BTBD9: variants seen among roughly 807,000 people sequenced by gnomAD.
BTBD9 encodes the protein BTB/POZ domain-containing protein 9.
BTBD9 carries 49 observed loss-of-function variants against 64.3 expected under a neutral mutation model. The observed-to-expected ratio is 0.76, with a 90% CI of 0.61 to 0.97. The LOEUF (loss-of-function observed/expected upper bound fraction) is 0.97, where lower values mean the gene tolerates loss of function less well. Ranked by LOEUF, BTBD9 falls within the 50% of genes least tolerant of loss-of-function variation. The pLI, the probability that BTBD9 is intolerant of heterozygous loss-of-function variation, is 0.00. For missense variants in BTBD9, 598 were observed against 762.1 expected (o/e 0.78, Z 2.53); for synonymous variants, 260 against 274.7 (o/e 0.95, Z 0.53).
chr6:38,474,259 C>T (rs1254463355), intron 6 of BTBD9, among the ~76,000 whole-genome samples: 2 of 152,108 alleles, frequency 1.3e-5, no homozygotes, highest in Non-Finnish European at 2.9e-5. Context: ...CGTGGTAGCT[C>T]GTAACTGTAA....
At chr6:38,546,599 T>A (rs1774563638) in intron 6 of BTBD9, among the ~76,000 whole-genome samples, 1 of 152,258 alleles carries the variant, frequency 6.6e-6, no homozygotes, top group Non-Finnish European at 1.5e-5. Flanking sequence ...CTCTGTCACG[T>A]TTCAGTAACT....
At chr6:38,257,181 G>A (rs957311323) in intron 8 of BTBD9, among the ~76,000 whole-genome samples, 6 of 150,838 alleles carry the variant, frequency 4.0e-5, no homozygotes, top group African/African-American at 1.5e-4. Context: ...GAGATTATAG[G>A]TGCGAGCCAC....
chr6:38,562,678 C>T (rs918244189), intron 6 of BTBD9, among the ~76,000 whole-genome samples: 3 of 152,102 alleles, frequency 2.0e-5, no homozygotes, highest in Admixed American at 1.3e-4. Context: ...GTTCATCTAA[C>T]AATTTTTATT....
intron 1 of BTBD9, among the ~76,000 whole-genome samples, chr6:38,635,736 T>C (rs776609003): frequency 2.5e-4 from 38 of 152,212 alleles, no homozygotes; most frequent in Admixed American, 1.3e-3. Flanking sequence ...TGGGACTTCC[T>C]AGCCTCCAGA....
intron 6 of BTBD9, among the ~76,000 whole-genome samples, chr6:38,409,218 C>G (rs929774122): frequency 1.3e-5 from 2 of 152,100 alleles, no homozygotes; most frequent in African/African-American, 4.8e-5. Flanking sequence ...TCACTGCACT[C>G]CAGCCTGGGT....
At chr6:38,581,530 G>A (rs1776284468) in intron 4 of BTBD9, among the ~76,000 whole-genome samples, 2 of 152,086 alleles carry the variant, frequency 1.3e-5, no homozygotes, top group South Asian at 2.1e-4. Flanking sequence ...ACCACCAATT[G>A]TGCCTGGGAC....
chr6:38,510,379 A>T (rs932418897), intron 6 of BTBD9, among the ~76,000 whole-genome samples: 1 of 152,228 alleles, frequency 6.6e-6, no homozygotes, highest in African/African-American at 2.4e-5. Flanking sequence ...TACCATGAAC[A>T]GAGCTTGTAG....
chr6:38,395,546 A>G (rs929717350), intron 6 of BTBD9, among the ~76,000 whole-genome samples: 1 of 152,218 alleles, frequency 6.6e-6, no homozygotes, highest in African/African-American at 2.4e-5. Context: ...TGGACTTCTC[A>G]GCCTCCAGAA....
At chr6:38,608,533 G>A (rs993172725) in intron 1 of BTBD9, among the ~76,000 whole-genome samples, 29 of 152,140 alleles carry the variant, frequency 1.9e-4, no homozygotes, top group Admixed American at 1.9e-3. Flanking sequence ...TCCCATTAAA[G>A]CAGTGGAATC....
intron 6 of BTBD9, among the ~76,000 whole-genome samples, chr6:38,466,688 G>T (rs958272920): frequency 1.3e-5 from 2 of 151,834 alleles, no homozygotes; most frequent in Non-Finnish European, 2.9e-5. Flanking sequence ...AGTTATTTTC[G>T]TGTCTCAGCC....
intron 6 of BTBD9, among the ~76,000 whole-genome samples, chr6:38,429,451 G>A (rs1369385053): frequency 2.4e-5 from 3 of 123,362 alleles, no homozygotes; most frequent in Admixed American, 9.2e-5. Context: ...GCAAGACTAC[G>A]TCTCAAAAAA....
intron 7 of BTBD9, among the ~76,000 whole-genome samples, chr6:38,327,179 TA>T (rs200982736): frequency 3.3e-5 from 5 of 151,062 alleles, no homozygotes; most frequent in African/African-American, 7.3e-5. Context: ...AATCCTGTCT[TA>T]AAAAAAAATA....
chr6:38,422,448 T>A (rs563683421), intron 6 of BTBD9, among the ~76,000 whole-genome samples: 2 of 152,206 alleles, frequency 1.3e-5, no homozygotes, highest in Non-Finnish European at 2.9e-5. Context: ...TTATATTGAT[T>A]TTTTAAAAAA....
chr6:38,505,726 G>T (rs1772454425), intron 6 of BTBD9, among the ~76,000 whole-genome samples: 1 of 151,780 alleles, frequency 6.6e-6, no homozygotes, highest in Non-Finnish European at 1.5e-5. Context: ...TAGCACTTTG[G>T]GAGGCTGAGG....
chr6:38,505,185 C>T (rs1304606097), intron 6 of BTBD9, among the ~76,000 whole-genome samples: 1 of 152,178 alleles, frequency 6.6e-6, no homozygotes, highest in Non-Finnish European at 1.5e-5. Context: ...GTCCTGTATC[C>T]TCTTCCCAGG....
intron 1 of BTBD9, among the ~76,000 whole-genome samples, chr6:38,621,258 G>C (rs1777970911): frequency 6.6e-6 from 1 of 152,206 alleles, no homozygotes; most frequent in Admixed American, 6.5e-5. Context: ...GATATCAGGG[G>C]CTACTCCTTG....
At chr6:38,629,871 A>G (rs1021956126) in intron 1 of BTBD9, among the ~76,000 whole-genome samples, 7 of 151,918 alleles carry the variant, frequency 4.6e-5, no homozygotes, top group African/African-American at 1.7e-4. Flanking sequence ...ACCCTTATAT[A>G]ATGTCAGTGT....
At chr6:38,294,222 A>G (rs902927993) in intron 7 of BTBD9, among the ~76,000 whole-genome samples, 1 of 152,194 alleles carries the variant, frequency 6.6e-6, no homozygotes, top group African/African-American at 2.4e-5. Flanking sequence ...TGTTGGTGGG[A>G]CTGTAAACTA....
intron 7 of BTBD9, among the ~76,000 whole-genome samples, chr6:38,323,636 G>A (rs1416198548): frequency 6.6e-6 from 1 of 152,192 alleles, no homozygotes; most frequent in African/African-American, 2.4e-5. Flanking sequence ...ATTTCCATAT[G>A]AGAGAAAACA....
Sources: gnomAD v4.1 joint callset for allele counts (sites outside exome capture counted in the v4.1 genomes callset) on GRCh38, gnomAD v4.1.1 for gene constraint, MANE v1.5 for transcripts, NCBI Gene and HGNC (gene_info 2026-07-23, HGNC 2026-07-21) for gene names.